Variants in CELF2 observed in about 807,000 individuals in gnomAD.
The protein encoded by CELF2 is CUG triplet repeat RNA-binding protein 2.
Under a neutral mutation model 62.6 loss-of-function variants are expected in CELF2, and 8 were observed. That is an observed-to-expected ratio of 0.13 (90% CI 0.07 to 0.23). The LOEUF is 0.23. Among genes scored for constraint, CELF2 ranks in the 10% least tolerant of loss-of-function variants. The pLI is 1.00. For missense variants in CELF2, 333 were observed against 671.0 expected, an observed-to-expected ratio of 0.50 and a Z score of 5.56; for synonymous variants, 258 against 250.0, an observed-to-expected ratio of 1.03 and a Z score of -0.30.
At chr10:11,071,895 T>G (rs1020878392) in intron 1 of CELF2, among the ~76,000 whole-genome samples, 1 of 152,182 alleles carries the variant, frequency 6.6e-6, no homozygotes, top group Non-Finnish European at 1.5e-5. Context: ...GTCATGTTGG[T>G]GACATGTTTG....
the CELF2 span, among the ~76,000 whole-genome samples, chr10:10,473,492 A>G: frequency 6.6e-6 from 1 of 152,072 alleles, no homozygotes; most frequent in Admixed American, 6.6e-5. Context: ...AAACTAATAC[A>G]AGTACTATTG....
At chr10:10,874,047 A>G (rs1215148996) in intron 1 of CELF2, among the ~76,000 whole-genome samples, 1 of 152,254 alleles carries the variant, frequency 6.6e-6, no homozygotes, top group Non-Finnish European at 1.5e-5. Flanking sequence ...ACAGCGGCTC[A>G]TGCCTATAAT....
chr10:10,610,603 T>C, the CELF2 span, among the ~76,000 whole-genome samples: 1 of 152,204 alleles, frequency 6.6e-6, no homozygotes, highest in African/African-American at 2.4e-5. Flanking sequence ...CTCTTTGAGA[T>C]TGGAAGTCAG....
chr10:11,181,458 G>A (rs2073350040), intron 2 of CELF2, among the ~76,000 whole-genome samples: 1 of 152,170 alleles, frequency 6.6e-6, no homozygotes, highest in Non-Finnish European at 1.5e-5. Flanking sequence ...ACATTCCTTG[G>A]ATTTCGTGCT....
At position 11,321,516 on chromosome 10, in the gene CELF2, G is replaced by A; in HGVS notation, c.1294+130G>A. ...AGAAAGCAGTTGTTTTGTTATTCATGTTTAAAAAAAAAAAAAACTGAAAGC... is the reference window on the plus strand; with the variant it reads ...AGAAAGCAGTTGTTTTGTTATTCATATTTAAAAAAAAAAAAAACTGAAAGC... On this transcript the variant is annotated intron_variant, in intron 11 of 12. Coordinates refer to ENST00000633077, the MANE Select transcript of CELF2 (RefSeq NM_001326342.2). This position sits in a 1 kb window ranked among gnomAD's most constrained non-coding sequence, Gnocchi z 6.2. The A allele has an allele frequency of 1.6e-6, 1 of 636,854 alleles. No individual in the cohort carries two copies. The highest frequency in any genetic ancestry group is 2.4e-6 in the Non-Finnish European group (1 of 412,030). The allele number at this position is 636,854 out of a possible 1,614,324, so 39.5% of individuals were successfully genotyped here. A position where few individuals can be genotyped will look rare whatever the true frequency, so the allele number is the denominator to read the frequency against.
intron 1 of CELF2, among the ~76,000 whole-genome samples, chr10:11,020,474 A>T (rs1021718018): frequency 1.3e-5 from 2 of 152,108 alleles, no homozygotes; most frequent in Admixed American, 6.6e-5. Context: ...AATCCGCCTA[A>T]GTTGTAAGTT....
intron 1 of CELF2, among the ~76,000 whole-genome samples, chr10:10,853,641 A>G (rs1223570501): frequency 6.9e-6 from 1 of 144,436 alleles, no homozygotes; most frequent in South Asian, 2.2e-4. Flanking sequence ...AGTCCAATAG[A>G]AAAAAAAAAG....
At chr10:11,232,040 G>A (rs1380386673) in intron 3 of CELF2, among the ~76,000 whole-genome samples, 2 of 151,892 alleles carry the variant, frequency 1.3e-5, no homozygotes, top group Admixed American at 6.6e-5. Context: ...TGTGCACAAC[G>A]TGCAGGTTTG....
At chr10:10,970,709 C>T (rs370250512) in intron 2 of CELF2, 1 of 152,182 alleles carries the variant, frequency 6.6e-6, no homozygotes, top group East Asian at 1.9e-4. Flanking sequence ...AAATCCTTGA[C>T]TCACCTCTTC....
chr10:11,228,338 AC>A (rs200821518), intron 3 of CELF2, among the ~76,000 whole-genome samples: 1 of 152,320 alleles, frequency 6.6e-6, no homozygotes, highest in African/African-American at 2.4e-5. Flanking sequence ...CACATAAAAA[AC>A]AAATAAGGTA....
At chr10:10,522,971 G>A in the CELF2 span, among the ~76,000 whole-genome samples, 4 of 152,170 alleles carry the variant, frequency 2.6e-5, no homozygotes, top group South Asian at 2.1e-4. Context: ...CCAAGCAAAC[G>A]GAAAAGGTGC....
intron 2 of CELF2, chr10:11,169,159 A>G (rs1386884047): frequency 2.0e-5 from 3 of 152,258 alleles, no homozygotes; most frequent in Non-Finnish European, 1.5e-5. Context: ...GCTAGGATAC[A>G]GTAGGAGCTG....
chr10:10,741,083 C>T, the CELF2 span, among the ~76,000 whole-genome samples: 1 of 152,088 alleles, frequency 6.6e-6, no homozygotes, highest in South Asian at 2.1e-4. Context: ...TGTAGGTGCT[C>T]TTACCACTAA....
intron 2 of CELF2, among the ~76,000 whole-genome samples, chr10:11,212,164 T>C (rs1358194891): frequency 6.6e-6 from 1 of 152,144 alleles, no homozygotes; most frequent in Non-Finnish European, 1.5e-5. Flanking sequence ...ACTTACCAAT[T>C]TCAGGGAATC....
the CELF2 span, among the ~76,000 whole-genome samples, chr10:10,525,927 G>C: frequency 6.6e-6 from 1 of 152,084 alleles, no homozygotes; most frequent in Admixed American, 6.5e-5. Context: ...GGCTGTACTA[G>C]TTTACATCCC....
the CELF2 span, among the ~76,000 whole-genome samples, chr10:10,650,992 G>T: frequency 2.6e-5 from 4 of 151,800 alleles, no homozygotes; most frequent in African/African-American, 7.3e-5. Flanking sequence ...GCCAGACAGT[G>T]GGCGCAGGCC....
intron 2 of CELF2, among the ~76,000 whole-genome samples, chr10:10,944,543 G>T (rs1249589255): frequency 1.3e-5 from 2 of 152,126 alleles, no homozygotes; most frequent in Non-Finnish European, 2.9e-5. Context: ...GGGCAAGAGA[G>T]GTCCCCTCAC....
At chr10:10,536,862 TA>T in the CELF2 span, among the ~76,000 whole-genome samples, 1 of 152,186 alleles carries the variant, frequency 6.6e-6, no homozygotes, top group Non-Finnish European at 1.5e-5. Flanking sequence ...CAGTTGGGAT[TA>T]TTAAAATGCA....
intron 1 of CELF2, among the ~76,000 whole-genome samples, chr10:10,891,640 A>T (rs756407340): frequency 1.3e-5 from 2 of 152,178 alleles, no homozygotes; most frequent in Non-Finnish European, 2.9e-5. Context: ...ACTTCAACCC[A>T]GACTTGACTT....
Sources: allele counts gnomAD v4.1 joint callset (sites outside exome capture counted in the v4.1 genomes callset), GRCh38; gene constraint gnomAD v4.1.1; non-coding constraint Gnocchi (gnomAD v3.1); transcripts MANE v1.5; gene names NCBI Gene and HGNC (gene_info 2026-07-23, HGNC 2026-07-21).